The following BTD variants were observed in gnomAD, a reference collection of about 807,000 sequenced individuals.
BTD encodes biotinidase, also known as biocytinase.
In BTD, 13 loss-of-function variants were observed where a neutral mutation model predicts 17.7. That is an observed-to-expected ratio of 0.74 (90% CI 0.48 to 1.17). BTD has a LOEUF of 1.17. BTD is among the 50% of genes most tolerant of loss of function. The probability of loss-of-function intolerance (pLI) is 0.00; values close to 1 mark genes in which losing one functional copy is unlikely to be tolerated. For missense variants in BTD, 674 were observed against 650.4 expected (o/e 1.04, Z -0.39); for synonymous variants, 240 against 245.2 (o/e 0.98, Z 0.20).
rs552609192 is a variant in BTD at position 15,643,892 on chromosome 3, GA to G, written c.400-410del. ...GGCAATGTAACAAGACCCTGTCTCT[GA>G]AAAAAAAAAAAAAGAAAAGAAAGAA... On this transcript the variant is annotated intron_variant, in intron 3 of 3. Coordinates refer to ENST00000643237, the MANE Select transcript of BTD (RefSeq NM_001370658.1). 7.0e-3 allele frequency among the ~76,000 whole-genome samples: 606 copies of G among 86,136 alleles called. 7 individuals are homozygous for G. Among genetic ancestry groups the G allele is most frequent in the South Asian group, 0.021 (58 of 2,768 alleles). The allele number at this position is 86,136 out of a possible 152,430, so 56.5% of individuals were successfully genotyped here.
intron 3 of BTD, among the ~76,000 whole-genome samples, chr3:15,680,956 C>A (rs2067476746): frequency 6.6e-6 from 1 of 152,172 alleles, no homozygotes; most frequent in African/African-American, 2.4e-5. Flanking sequence ...CATAAGCCAC[C>A]ACGGCCAACA....
downstream of BTD, among the ~76,000 whole-genome samples, chr3:15,657,088 A>AT (rs1475312576): frequency 2.0e-5 from 3 of 152,194 alleles, no homozygotes; most frequent in African/African-American, 7.2e-5. Flanking sequence ...TGGTCTGAGG[A>AT]TAGTCAGACT....
chr3:15,641,925 G>A lies in BTD; in HGVS notation c.267G>A (p.Val89=). ...ATTTTCAGGATGTACAGATTATAGT[G>A]TTTCCAGAAGATGGCATTCATGGAT... The part of the protein sequence containing the change: ...TAAQKDVQII[V]FPEDGIHGFN... The change falls in exon 3 of 4, where the codon GTG becomes GTA. Residue 89 remains valine, a synonymous_variant. Transcript: ENST00000643237. 2 of 1,612,688 alleles carry A rather than the reference G, an allele frequency of 1.2e-6. No homozygotes were observed. The highest frequency in any genetic ancestry group is 1.7e-6 in the Non-Finnish European group (2 of 1,178,988).
chr3:15,617,172 G>A (rs1009135832), intron 1 of BTD, among the ~76,000 whole-genome samples: 3 of 152,136 alleles, frequency 2.0e-5, no homozygotes, highest in African/African-American at 7.2e-5. Flanking sequence ...CTTTCTTATT[G>A]TTGAGTTTTA....
chr3:15,715,074 A>T (rs990221420), downstream of BTD, among the ~76,000 whole-genome samples: 5 of 152,222 alleles, frequency 3.3e-5, no homozygotes, highest in Admixed American at 2.6e-4. Flanking sequence ...AAAACTACAT[A>T]TATTTGTTTA....
intron 3 of BTD, among the ~76,000 whole-genome samples, chr3:15,681,026 T>C (rs2125705570): frequency 1.3e-5 from 2 of 152,284 alleles, no homozygotes; most frequent in African/African-American, 4.8e-5. Context: ...GTGATATTGC[T>C]GTGGTAAAGG....
intron 3 of BTD, among the ~76,000 whole-genome samples, chr3:15,699,517 A>C (rs1468612213): frequency 2.0e-5 from 3 of 152,174 alleles, no homozygotes; most frequent in Non-Finnish European, 4.4e-5. Flanking sequence ...AATATCCAGA[A>C]TCTACAAAGA....
rs1194470416 is a variant in BTD at position 15,647,958 on chromosome 3, A to C, written c.*2470A>C. ...CCCAGAGCCCACCATGTCTGCTCTC[A>C]AGACACAGGCCTGTCCAGAGCCCCT... On this transcript the variant is annotated 3_prime_UTR_variant, in exon 4 of 4. Transcript: ENST00000643237. 6.6e-6 allele frequency among the ~76,000 whole-genome samples: 1 copy of C among 152,162 alleles called. No individual in the cohort carries two copies. The highest frequency in any genetic ancestry group is 1.9e-4 in the East Asian group (1 of 5,198).
rs17041426 is a variant in BTD, at chr3:15,668,699, C to G, written c.399+26642C>G. 572 of 152,580 alleles carry G rather than the reference C, an allele frequency of 3.7e-3. 2 individuals are homozygous for G. The highest frequency in any genetic ancestry group is 0.013 in the African/African-American group (550 of 41,496). 9.5% of individuals were successfully genotyped at this position (152,580 alleles called of 1,614,324 possible). A position where few individuals can be genotyped will look rare whatever the true frequency, so the allele number is the denominator to read the frequency against. On this transcript the variant is annotated intron_variant, in intron 3 of 3. Transcript: ENST00000672141. ...CAAGTAAATACAGTATTCAAGCAGT[C>G]ACTATTTCTATGTACATGCTCATTA...
At chr3:15,664,368 C>T (rs368955252) in intron 3 of BTD, among the ~76,000 whole-genome samples, 3 of 152,268 alleles carry the variant, frequency 2.0e-5, no homozygotes, top group African/African-American at 7.2e-5. Flanking sequence ...TTGTTTTGTT[C>T]CTTCTGGTGG....
chr3:15,675,945 TG>T (rs1559311949), intron 3 of BTD: 1 of 1,613,190 alleles, frequency 6.2e-7, no homozygotes, highest in African/African-American at 1.3e-5. Flanking sequence ...CAAAAGTTCC[TG>T]AACCACCATT....
At chr3:15,606,199 T>C (rs1200804089) in intron 1 of BTD, among the ~76,000 whole-genome samples, 2 of 152,198 alleles carry the variant, frequency 1.3e-5, no homozygotes, top group Admixed American at 6.5e-5. Flanking sequence ...CTGCCCCTGT[T>C]GCATTAGAGT....
intron 3 of BTD, chr3:15,679,609 T>A (rs2067308493): frequency 1.4e-6 from 2 of 1,476,412 alleles, no homozygotes; most frequent in Admixed American, 3.9e-5. Context: ...AAGGAGATAC[T>A]GGCAAAAATC....
exon 4 of BTD, chr3:15,711,080 T>C (rs1012702330): frequency 1.3e-6 from 1 of 746,834 alleles, no homozygotes; most frequent in Non-Finnish European, 2.1e-6. Flanking sequence ...TGGACTTTTT[T>C]TTCCCAAACA....
chr3:15,631,046 T>C (rs2065191909), intron 1 of BTD, among the ~76,000 whole-genome samples: 1 of 152,238 alleles, frequency 6.6e-6, no homozygotes, highest in South Asian at 2.1e-4. Flanking sequence ...TAGGTGAAGA[T>C]AGACATTATT....
intron 1 of BTD, 167 bp downstream of exon 1, chr3:15,602,061 G>A: frequency 6.9e-7 from 1 of 1,451,534 alleles, no homozygotes; most frequent in Non-Finnish European, 9.1e-7. Flanking sequence ...TTGCTGCTGT[G>A]CTACCGCGTT....
At chr3:15,702,554 C>T (rs1383165435) in intron 3 of BTD, among the ~76,000 whole-genome samples, 1 of 152,172 alleles carries the variant, frequency 6.6e-6, no homozygotes, top group East Asian at 1.9e-4. Context: ...AATTAAATAT[C>T]TTCATCCCCA....
chr3:15,637,007 C>A (rs1253440520), intron 2 of BTD, among the ~76,000 whole-genome samples: 2 of 152,096 alleles, frequency 1.3e-5, no homozygotes, highest in African/African-American at 4.8e-5. Flanking sequence ...ACAGGTCTTC[C>A]TTTCAATGAG....
At chr3:15,619,457 T>G (rs2064887367) in intron 1 of BTD, among the ~76,000 whole-genome samples, 1 of 152,200 alleles carries the variant, frequency 6.6e-6, no homozygotes, top group Non-Finnish European at 1.5e-5. Context: ...TGTGATAGAT[T>G]ACATAAATTG....
Sources: gnomAD v4.1 joint callset for allele counts (sites outside exome capture counted in the v4.1 genomes callset) on GRCh38, gnomAD v4.1.1 for gene constraint, MANE v1.5 for transcripts, NCBI Gene and HGNC (gene_info 2026-07-23, HGNC 2026-07-21) for gene names.